Variants in MYO9A observed in about 807,000 individuals in gnomAD.
MYO9A encodes unconventional myosin-IXa.
In MYO9A, 103 loss-of-function variants were observed where a neutral mutation model predicts 293.3. The observed-to-expected ratio is 0.35, with a 90% CI of 0.30 to 0.41. The LOEUF is 0.41. Among genes scored for constraint, MYO9A ranks in the 10% least tolerant of loss-of-function variants. The pLI is 1.00. For missense variants in MYO9A, 2,685 were observed against 3,033.0 expected, an observed-to-expected ratio of 0.89 and a Z score of 2.69; for synonymous variants, 1,001 against 1,035.7, an observed-to-expected ratio of 0.97 and a Z score of 0.64.
intron 14 of MYO9A, chr15:71,959,151 T>C (rs934522867): frequency 3.3e-5 from 5 of 152,244 alleles, no homozygotes; most frequent in African/African-American, 1.2e-4. Flanking sequence ...TCTAATAAAC[T>C]ATAATTCTCC....
intron 2 of MYO9A, 54 bp downstream of exon 2, chr15:72,045,670 C>A (rs2078365009): frequency 1.3e-6 from 2 of 1,504,424 alleles, no homozygotes; most frequent in Non-Finnish European, 1.8e-6. Context: ...ACCCCCCCAC[C>A]TCAAAGGATA....
At chr15:71,909,720 A>T (rs2057775653) in intron 19 of MYO9A, among the ~76,000 whole-genome samples, 1 of 152,222 alleles carries the variant, frequency 6.6e-6, no homozygotes, top group African/African-American at 2.4e-5. Context: ...TCACAAGTTC[A>T]AGTAAAACAA....
At chr15:71,912,260 T>A (rs1024842711) in intron 19 of MYO9A, among the ~76,000 whole-genome samples, 21 of 150,884 alleles carry the variant, frequency 1.4e-4, no homozygotes, top group South Asian at 4.2e-4. Context: ...AGAGAAAAGT[T>A]TTTTTTTTTT....
chr15:72,102,184 AC>A (rs1355271437), intron 1 of MYO9A, among the ~76,000 whole-genome samples: 1 of 150,326 alleles, frequency 6.7e-6, no homozygotes, highest in Non-Finnish European at 1.5e-5. Context: ...CTGTGACCTT[AC>A]CCCCAACCCT....
chr15:71,851,489 A>G lies in MYO9A; in HGVS notation c.6476-131T>C, dbSNP rs899846138. The G allele has an allele frequency of 5.2e-6, 3 of 577,308 alleles. No individual in the cohort carries two copies. In the African/African-American group the frequency reaches 5.6e-5, roughly 11 times the overall value. 35.8% of individuals were successfully genotyped at this position (577,308 alleles called of 1,614,324 possible). On this transcript the variant is annotated intron_variant, in intron 36 of 41. Coordinates refer to ENST00000356056, the MANE Select transcript of MYO9A (RefSeq NM_006901.4). ...AGTAGTTGTACCTGTAGGGCAGGAG[A>G]AGAGCAACTCACAGTAACTATTTAA... is the stretch of plus-strand genomic sequence containing the variant.
chr15:71,951,114 C>T (rs1310409290), intron 15 of MYO9A, among the ~76,000 whole-genome samples: 1 of 152,122 alleles, frequency 6.6e-6, no homozygotes, highest in Non-Finnish European at 1.5e-5. Flanking sequence ...GTTATTATTC[C>T]TCAAGCCAAA....
chr15:71,937,697 T>C (rs987137020), intron 16 of MYO9A, among the ~76,000 whole-genome samples: 5 of 152,134 alleles, frequency 3.3e-5, no homozygotes, highest in African/African-American at 9.7e-5. Flanking sequence ...ACTTCAGGTA[T>C]CCAAAATGGA....
At chr15:71,851,498 TCA>T in intron 36 of MYO9A, 140 bp from the exon 37 acceptor site, 1 of 545,730 alleles carries the variant, frequency 1.8e-6, no homozygotes, top group Non-Finnish European at 3.2e-6. Flanking sequence ...GAAGAGCAAC[TCA>T]CAGTAACTAT....
chr15:71,976,692 G>C (rs1469855357), intron 12 of MYO9A, among the ~76,000 whole-genome samples: 2 of 152,166 alleles, frequency 1.3e-5, no homozygotes, highest in Non-Finnish European at 2.9e-5. Context: ...GGCATATAGA[G>C]TAATGCAAGA....
rs200176506 is a variant in MYO9A at position 72,019,040 on chromosome 15, G to T, written c.1154C>A (p.Pro385Gln). The T allele has an allele frequency of 3.1e-6, 5 of 1,613,352 alleles. No homozygotes were observed. The highest frequency in any genetic ancestry group is 1.1e-5 in the South Asian group (1 of 91,062). Residue 385 changes from proline (P) to glutamine (Q), a missense_variant and splice_region_variant, in exon 6 of 42, where the codon CCG (proline) becomes CAG (glutamine). Pro to Gln is a moderately conservative substitution (Grantham distance 76, BLOSUM62 -1). This residue lies in a region of MYO9A where 289 missense variants were observed against 456.8 expected (regional missense o/e 0.63). Coordinates refer to ENST00000356056, the MANE Select transcript of MYO9A (RefSeq NM_006901.4). The part of the protein sequence containing the change: ...SWDDYCYDSE[P>Q]DCFTVEGEDL... ...GAATATTTAGGTACTTGTACTGACCGGCTCAGAGTCATAGCAATAATCATC... is the reference window on the plus strand; with the variant it reads ...GAATATTTAGGTACTTGTACTGACCTGCTCAGAGTCATAGCAATAATCATC...
intron 17 of MYO9A, 118 bp from the exon 18 acceptor site, chr15:71,933,827 C>T (rs2058551606): frequency 1.2e-6 from 1 of 810,278 alleles, no homozygotes; most frequent in East Asian, 2.6e-5. Context: ...TACCCATTAC[C>T]AAGACTGTAG....
At chr15:71,987,130 T>C (rs148981590) in intron 11 of MYO9A, among the ~76,000 whole-genome samples, 16 of 152,326 alleles carry the variant, frequency 1.1e-4, no homozygotes, top group African/African-American at 3.4e-4. Flanking sequence ...GTTTGTGGCC[T>C]AGGAGCAATA....
intron 1 of MYO9A, among the ~76,000 whole-genome samples, chr15:72,096,245 G>A (rs2080060326): frequency 6.6e-6 from 1 of 151,988 alleles, no homozygotes; most frequent in South Asian, 2.1e-4. Context: ...GGTTGAGGTG[G>A]GAGAATCACC....
intron 39 of MYO9A, among the ~76,000 whole-genome samples, chr15:71,831,557 G>T (rs1294223901): frequency 1.3e-5 from 2 of 152,260 alleles, no homozygotes; most frequent in Non-Finnish European, 1.5e-5. Context: ...AATTATAAAA[G>T]TCCTTGCAGA....
At chr15:71,842,032 T>C (rs1456978297) in intron 39 of MYO9A, among the ~76,000 whole-genome samples, 2 of 152,144 alleles carry the variant, frequency 1.3e-5, no homozygotes, top group African/African-American at 4.8e-5. Flanking sequence ...TTTCTCTCTA[T>C]GGAGAGAGGT....
chr15:71,912,830 G>A (rs999347051), intron 19 of MYO9A, among the ~76,000 whole-genome samples: 4 of 152,022 alleles, frequency 2.6e-5, no homozygotes, highest in Non-Finnish European at 5.9e-5. Flanking sequence ...TATCACTCTT[G>A]TCTTATGGCT....
At chr15:71,943,919 C>A (rs1173296788) in intron 15 of MYO9A, among the ~76,000 whole-genome samples, 1 of 152,070 alleles carries the variant, frequency 6.6e-6, no homozygotes, top group Admixed American at 6.6e-5. Context: ...GGGAAAAATA[C>A]GCTTATCTTT....
chr15:71,985,414 C>T (rs192476453), intron 11 of MYO9A, among the ~76,000 whole-genome samples: 7 of 152,290 alleles, frequency 4.6e-5, no homozygotes, highest in Admixed American at 3.9e-4. Context: ...GTTAAGAATA[C>T]TACAAATTGT....
At chr15:71,990,886 A>G (rs1021840179) in intron 11 of MYO9A, among the ~76,000 whole-genome samples, 1 of 152,208 alleles carries the variant, frequency 6.6e-6, no homozygotes. Context: ...CACATTTCTA[A>G]TCCCATCAGT....
Sources: allele counts gnomAD v4.1 joint callset (sites outside exome capture counted in the v4.1 genomes callset), GRCh38; gene constraint gnomAD v4.1.1; regional missense constraint gnomAD v4.1.1; transcripts MANE v1.5; gene names NCBI Gene and HGNC (gene_info 2026-07-23, HGNC 2026-07-21).